Variants in CPHXL observed in about 807,000 individuals in gnomAD.
CPHXL encodes the protein cytoplasmic polyadenylated homeobox-like protein.
At chr16:75,720,072 G>A (rs1432215109) in intron 1 of CPHXL, among the ~76,000 whole-genome samples, 1 of 152,148 alleles carries the variant, frequency 6.6e-6, no homozygotes, top group Non-Finnish European at 1.5e-5. Context: ...CTAACAAACA[G>A]AAAGGACATC....
chr16:75,723,544 G>C (rs1446254329), intron 1 of CPHXL, among the ~76,000 whole-genome samples: 1 of 152,128 alleles, frequency 6.6e-6, no homozygotes, highest in East Asian at 1.9e-4. Flanking sequence ...CAACTTACAA[G>C]GGATGTGAAG....
intron 1 of CPHXL, among the ~76,000 whole-genome samples, chr16:75,722,484 A>G (rs1448729606): frequency 1.3e-5 from 2 of 152,180 alleles, no homozygotes; most frequent in South Asian, 2.1e-4. Flanking sequence ...ACACCTCTAC[A>G]CAAGTAAACT....
intron 2 of CPHXL, among the ~76,000 whole-genome samples, chr16:75,717,143 C>T (rs571229027): frequency 1.3e-5 from 2 of 152,320 alleles, no homozygotes; most frequent in African/African-American, 4.8e-5. Context: ...TCTACAGTCT[C>T]ATTAGTACCA....
intron 1 of CPHXL, among the ~76,000 whole-genome samples, chr16:75,721,242 A>C (rs1959473040): frequency 6.6e-6 from 1 of 152,184 alleles, no homozygotes; most frequent in South Asian, 2.1e-4. Flanking sequence ...GATCAAATTC[A>C]CACATAACAA....
At chr16:75,721,029 A>C in intron 1 of CPHXL, among the ~76,000 whole-genome samples, 1 of 152,186 alleles carries the variant, frequency 6.6e-6, no homozygotes, top group Non-Finnish European at 1.5e-5. Context: ...GAGAAATAAA[A>C]TCCTCTACAG....
At chr16:75,719,880 G>A (rs541407580) in intron 1 of CPHXL, among the ~76,000 whole-genome samples, 41 of 152,142 alleles carry the variant, frequency 2.7e-4, no homozygotes, top group Non-Finnish European at 4.7e-4. Flanking sequence ...CACCTCACAC[G>A]GCCGGGTACT....
At chr16:75,716,050 T>C (rs993549939) in intron 2 of CPHXL, among the ~76,000 whole-genome samples, 9 of 152,122 alleles carry the variant, frequency 5.9e-5, no homozygotes, top group African/African-American at 1.9e-4. Context: ...GGTTCACGGG[T>C]TACAACTAAA....
In CPHXL at chr16:75,726,416, AC is replaced by A. The variant is rs1489411301; in HGVS notation, c.25+1del. 1.0e-5 allele frequency: 4 copies of A among 398,518 alleles called. No individual in the cohort carries two copies. The highest frequency in any genetic ancestry group is 6.2e-5 in the African/African-American group (3 of 48,634). The allele number at this position is 398,518 out of a possible 1,614,324, so 24.7% of individuals were successfully genotyped here. ...TAAGAGAAAAAGCTGATGGGAACTT[AC>A]CACCTGAAGTGCCGTCCAAATTCAT... is the stretch of plus-strand genomic sequence containing the variant. On this transcript the variant is annotated splice_donor_variant, in intron 1 of 2. Coordinates refer to ENST00000640559, the MANE Select transcript of CPHXL (RefSeq NM_001355613.1). LOFTEE classifies it high-confidence loss of function.
At chr16:75,725,653 C>G (rs899756163) in intron 1 of CPHXL, among the ~76,000 whole-genome samples, 15 of 151,110 alleles carry the variant, frequency 9.9e-5, no homozygotes, top group Admixed American at 6.6e-5. Flanking sequence ...GGGGTTTCAC[C>G]GTGTTAGCCA....
intron 1 of CPHXL, among the ~76,000 whole-genome samples, chr16:75,723,747 A>T (rs1959512230): frequency 6.6e-6 from 1 of 152,168 alleles, no homozygotes; most frequent in African/African-American, 2.4e-5. Context: ...ATTGGAAAAA[A>T]CTACTTTAAA....
chr16:75,716,687 T>C (rs1959397765), intron 2 of CPHXL, among the ~76,000 whole-genome samples: 1 of 152,202 alleles, frequency 6.6e-6, no homozygotes, highest in Admixed American at 6.5e-5. Flanking sequence ...CATTGGCTAT[T>C]GGTGATCAAC....
intron 1 of CPHXL, among the ~76,000 whole-genome samples, chr16:75,721,158 G>C (rs1191142207): frequency 6.6e-6 from 1 of 152,164 alleles, no homozygotes; most frequent in East Asian, 1.9e-4. Flanking sequence ...ATGCTCAATT[G>C]TTAAGACCAT....
chr16:75,719,465 C>G (rs62058720), intron 1 of CPHXL, among the ~76,000 whole-genome samples: 7 of 152,132 alleles, frequency 4.6e-5, no homozygotes, highest in East Asian at 1.9e-4. Context: ...TATGCTGCGC[C>G]TGGCTCAGAG....
intron 1 of CPHXL, among the ~76,000 whole-genome samples, chr16:75,722,013 A>C (rs1023611958): frequency 7.9e-5 from 12 of 152,232 alleles, no homozygotes; most frequent in Non-Finnish European, 1.5e-4. Context: ...TACTGGGTAC[A>C]AAACGAAATG....
chr16:75,721,245 C>T (rs950495396), intron 1 of CPHXL, among the ~76,000 whole-genome samples: 1 of 152,154 alleles, frequency 6.6e-6, no homozygotes, highest in Non-Finnish European at 1.5e-5. Context: ...CAAATTCACA[C>T]ATAACAATAT....
chr16:75,726,474 CCAGCAAGCAACTGAGAT>C (rs576545696), exon 1 of CPHXL: 71 of 398,558 alleles, frequency 1.8e-4, no homozygotes, highest in African/African-American at 3.9e-4. Context: ...TTCACGGAGA[CCAGCAAGCAACTGAGAT>C]CAGCAAGCAA....
chr16:75,725,741 C>A (rs908275513), intron 1 of CPHXL, among the ~76,000 whole-genome samples: 1 of 132,350 alleles, frequency 7.6e-6, no homozygotes. Flanking sequence ...AGTGAGCCAC[C>A]GTGCCCGGCG....
chr16:75,718,649 T>A (rs1294764989), intron 1 of CPHXL, among the ~76,000 whole-genome samples, 191 bp from the exon 2 acceptor site: 3 of 152,204 alleles, frequency 2.0e-5, no homozygotes, highest in Admixed American at 6.5e-5. Flanking sequence ...TCTAGGCCTA[T>A]GGGCCAGATC....
In CPHXL at chr16:75,714,977, A is replaced by G; in HGVS notation, c.465T>C (p.Asn155=). 1 of 398,616 alleles carries G rather than the reference A, an allele frequency of 2.5e-6. No individual in the cohort carries two copies. Among genetic ancestry groups the G allele is most frequent in the Non-Finnish European group, 4.4e-6 (1 of 226,062 alleles). The allele number at this position is 398,616 out of a possible 1,614,324, so 24.7% of individuals were successfully genotyped here. The change falls in exon 3 of 3, where the codon AAT becomes AAC. Residue 155 remains asparagine (N), a synonymous_variant. Coordinates refer to ENST00000640559, the MANE Select transcript of CPHXL (RefSeq NM_001355613.1). ...QWIPSQEMGY[N]CFSLENQETP... is the part of the protein sequence containing the mutation. ...TCTCTTGGTTCTCCAAAGAGAAACA[A>G]TTATAGCCCATTTCTTGACTGGGAA...
Sources: gnomAD v4.1 joint callset for allele counts (sites outside exome capture counted in the v4.1 genomes callset) on GRCh38, gnomAD v4.1.1 for gene constraint, MANE v1.5 for transcripts, NCBI Gene and HGNC (gene_info 2026-07-23, HGNC 2026-07-21) for gene names.